The following SLC2A14 variants were observed in gnomAD, a reference collection of about 807,000 sequenced individuals.
The protein encoded by SLC2A14 is solute carrier family 2 member 14.
A neutral mutation model predicts 43.0 loss-of-function variants in SLC2A14; 13 were observed. That is an observed-to-expected ratio of 0.30 (90% CI 0.20 to 0.48). SLC2A14 has a LOEUF of 0.48. SLC2A14 is among the 20% of genes least tolerant of loss of function. The probability of loss-of-function intolerance (pLI) is 0.99; values close to 1 mark genes in which losing one functional copy is unlikely to be tolerated. For synonymous variants in SLC2A14, 190 were observed against 233.8 expected (o/e 0.81, Z 1.71); for missense variants, 428 against 620.4 (o/e 0.69, Z 3.29).
chr12:7,842,682 T>C (rs1477001821), intron 2 of SLC2A14, among the ~76,000 whole-genome samples: 3 of 151,448 alleles, frequency 2.0e-5, no homozygotes, highest in Non-Finnish European at 4.4e-5. Flanking sequence ...ACATGATGAC[T>C]GAAGTGCTTA....
At chr12:7,837,700 A>G (rs1423576115) in intron 2 of SLC2A14, among the ~76,000 whole-genome samples, 1 of 96,960 alleles carries the variant, frequency 1.0e-5, no homozygotes, top group South Asian at 3.7e-4. Flanking sequence ...TTTTTTTTTG[A>G]GATGAAGTCT....
chr12:7,812,515 C>T lies in SLC2A14; in HGVS notation c.*1801G>A, dbSNP rs1863136045. The T allele has an allele frequency of 6.6e-6, 1 of 152,076 alleles. No homozygotes were observed. The highest frequency in any genetic ancestry group is 1.5e-5 in the Non-Finnish European group (1 of 68,036). The allele number at this position is 152,076 out of a possible 1,614,324, so 9.4% of individuals were successfully genotyped here. On this transcript the variant is annotated 3_prime_UTR_variant, in exon 11 of 11. Transcript: ENST00000431042. ...TAAATAAATAATGTGCTTGTGATGTCATGTACATTCAGAATTTTTATTTTA... is the reference window on the plus strand; with the variant it reads ...TAAATAAATAATGTGCTTGTGATGTTATGTACATTCAGAATTTTTATTTTA...
At chr12:7,872,946 A>C, upstream of SLC2A14, 1 of 985,430 alleles carries the variant, frequency 1.0e-6, no homozygotes, top group Non-Finnish European at 1.2e-6. Flanking sequence ...TCGACTTTGA[A>C]TGGTCCGTTA....
chr12:7,870,478 A>G (rs553976870), intron 1 of SLC2A14, among the ~76,000 whole-genome samples: 37 of 152,154 alleles, frequency 2.4e-4, no homozygotes, highest in Non-Finnish European at 5.3e-4. Flanking sequence ...CTCCTCTACC[A>G]GCTCTGCTGA....
At chr12:7,858,500 C>G (rs1469237011) in intron 2 of SLC2A14, among the ~76,000 whole-genome samples, 4 of 152,034 alleles carry the variant, frequency 2.6e-5, no homozygotes, top group African/African-American at 9.7e-5. Flanking sequence ...TTTTAATTTT[C>G]TTTTCTTTTT....
At chr12:7,886,528 C>A (rs1323863995) in intron 1 of SLC2A14, among the ~76,000 whole-genome samples, 4 of 151,858 alleles carry the variant, frequency 2.6e-5, no homozygotes, top group African/African-American at 9.7e-5. Flanking sequence ...TAAAAAGGTT[C>A]TTTTTGTGTT....
At chr12:7,888,324 C>T (rs186947013) in intron 1 of SLC2A14, among the ~76,000 whole-genome samples, 43 of 152,148 alleles carry the variant, frequency 2.8e-4, no homozygotes, top group East Asian at 2.7e-3. Flanking sequence ...AAGAAATGCA[C>T]GTTTTTAAAA....
Position 7,821,194 on chromosome 12 carries a change from C to G in SLC2A14, c.969+27G>C, listed in dbSNP as rs372328795. Reference sequence around the variant, plus strand: ...CTGTAGCAAGGATTCATTTCTCCCCCCAAAATTATCAAACCATCCAACTTA... The same window carrying G: ...CTGTAGCAAGGATTCATTTCTCCCCGCAAAATTATCAAACCATCCAACTTA... On this transcript the variant is annotated intron_variant, in intron 8 of 10. Transcript: ENST00000431042. 1.3e-5 allele frequency: 21 copies of G among 1,574,886 alleles called. No individual in the cohort carries two copies. In the Middle Eastern group the frequency reaches 5.0e-4, roughly 38 times the overall value.
intron 2 of SLC2A14, among the ~76,000 whole-genome samples, chr12:7,864,721 G>A (rs2121023800): frequency 6.6e-6 from 1 of 152,300 alleles, no homozygotes; most frequent in East Asian, 1.9e-4. Flanking sequence ...TAAATGCTAT[G>A]ACGTTGGAAC....
intron 7 of SLC2A14, among the ~76,000 whole-genome samples, chr12:7,826,045 T>G (rs1056179205): frequency 6.6e-6 from 1 of 151,866 alleles, no homozygotes; most frequent in Non-Finnish European, 1.5e-5. Context: ...GGGCTACACT[T>G]GCACGTAGCT....
chr12:7,831,787 A>G, intron 3 of SLC2A14, 23 bp from the exon 4 acceptor site: 4 of 1,613,086 alleles, frequency 2.5e-6, no homozygotes, highest in Non-Finnish European at 3.4e-6. Context: ...AGGTGGGAGG[A>G]CAGACTATTA....
At chr12:7,890,784 C>G in intron 1 of SLC2A14, 1 of 361,650 alleles carries the variant, frequency 2.8e-6, no homozygotes, top group Non-Finnish European at 5.0e-6. Context: ...ATGCAAAGTC[C>G]CCCTTCAGCA....
At chr12:7,835,890 C>CTGT (rs1330339543) in intron 2 of SLC2A14, among the ~76,000 whole-genome samples, 1 of 152,198 alleles carries the variant, frequency 6.6e-6, no homozygotes, top group Non-Finnish European at 1.5e-5. Flanking sequence ...TTTGATAACA[C>CTGT]TGTAGAAAAT....
chr12:7,853,584 A>G (rs1378414379), intron 2 of SLC2A14, among the ~76,000 whole-genome samples: 2 of 152,122 alleles, frequency 1.3e-5, no homozygotes, highest in African/African-American at 4.8e-5. Flanking sequence ...TGGGTGACAG[A>G]GCAAGATGCT....
chr12:7,846,329 C>A (rs770898786), intron 2 of SLC2A14, among the ~76,000 whole-genome samples: 12 of 151,868 alleles, frequency 7.9e-5, no homozygotes, highest in African/African-American at 2.7e-4. Context: ...ATTTAAAGAT[C>A]TCTGAGCAGA....
intron 1 of SLC2A14, among the ~76,000 whole-genome samples, chr12:7,887,570 TAGATA>T (rs1945707816): frequency 1.4e-5 from 1 of 72,342 alleles, no homozygotes; most frequent in South Asian, 5.0e-4. Context: ...GATAGATAGA[TAGATA>T]GATAGATAGA....
chr12:7,882,392 T>G (rs1192047667), intron 1 of SLC2A14, among the ~76,000 whole-genome samples: 2 of 151,954 alleles, frequency 1.3e-5, no homozygotes, highest in Non-Finnish European at 2.9e-5. Context: ...GCGCCACATT[T>G]AAGAGCTGTA....
chr12:7,831,523 C>T (rs1592187922), intron 4 of SLC2A14, 81 bp downstream of exon 4: 1 of 1,569,408 alleles, frequency 6.4e-7, no homozygotes, highest in Non-Finnish European at 8.7e-7. Flanking sequence ...AAGGCATCAT[C>T]ACCTCCCTGC....
chr12:7,878,737 C>T (rs868782530), intron 1 of SLC2A14, among the ~76,000 whole-genome samples: 2 of 151,568 alleles, frequency 1.3e-5, no homozygotes, highest in East Asian at 1.9e-4. Context: ...CCAGCACTTT[C>T]GGAGGCCAAG....
Sources: gnomAD v4.1 joint callset for allele counts (sites outside exome capture counted in the v4.1 genomes callset) on GRCh38, gnomAD v4.1.1 for gene constraint, MANE v1.5 for transcripts, NCBI Gene and HGNC (gene_info 2026-07-23, HGNC 2026-07-21) for gene names.